CRACDL: variants seen among roughly 807,000 people sequenced by gnomAD.
The protein encoded by CRACDL is CRACD like, also known as CRACD-like protein.
A neutral mutation model predicts 70.6 loss-of-function variants in CRACDL; 26 were observed. The observed-to-expected ratio is 0.37, with a 90% confidence interval of 0.27 to 0.51. CRACDL has a LOEUF of 0.51. CRACDL is among the 20% of genes least tolerant of loss of function. The pLI, the probability that CRACDL is intolerant of heterozygous loss-of-function variation, is 0.94. For missense variants in CRACDL, 1,283 were observed against 1,376.9 expected (o/e 0.93, Z 1.08); for synonymous variants, 618 against 615.2 (o/e 1.00, Z -0.07).
Position 98,795,049 on chromosome 2 carries a change from ATATATAT to A in CRACDL, c.2750-385_2750-379del, listed in dbSNP as rs1703743284. On this transcript the variant is annotated intron_variant, in intron 9 of 9. Transcript: ENST00000397899. ...CCTTACCATAATTAAAAATATATAT[ATATATAT>A]ATATATATATATATATATATATTTT... 2.8e-4 allele frequency among the ~76,000 whole-genome samples: 5 copies of A among 18,068 alleles called. 2 individuals are homozygous for A. The highest frequency in any genetic ancestry group is 1.6e-4 in the Non-Finnish European group (1 of 6,070). 11.9% of individuals were successfully genotyped at this position (18,068 alleles called of 152,430 possible).
intron 1 of CRACDL, among the ~76,000 whole-genome samples, chr2:98,899,648 G>A (rs1708214709): frequency 6.6e-6 from 1 of 152,262 alleles, no homozygotes; most frequent in Admixed American, 6.5e-5. Context: ...AAAAAAAAAG[G>A]CATCTATGGA....
At chr2:98,849,719 C>T (rs1327212381) in intron 1 of CRACDL, among the ~76,000 whole-genome samples, 4 of 151,796 alleles carry the variant, frequency 2.6e-5, no homozygotes, top group Non-Finnish European at 5.9e-5. Context: ...AAAGGTTGCC[C>T]ACCGACAAAG....
At position 98,822,270 on chromosome 2, in the gene CRACDL, G is replaced by A. The variant is rs571671010; in HGVS notation, c.2003C>T (p.Pro668Leu). 2 of 1,587,948 alleles carry A rather than the reference G, an allele frequency of 1.3e-6. No individual in the cohort carries two copies. Among genetic ancestry groups the A allele is most frequent in the South Asian group, 2.2e-5 (2 of 89,416 alleles). The stretch of plus-strand genomic sequence containing the variant: ...ACTCGGGGCCGGCTCCTGGGCGGCT[G>A]GGCAGGGCTCTCTCGTGCCGGGCGC... ...AAAPGTREPC[P>L]AAQEPAPSED... The change falls in exon 7 of 10, where the codon CCA becomes CTA. Residue 668 changes from proline (P) to leucine (L), a missense_variant. Physicochemically the swap from Pro to Leu is moderately conservative, Grantham distance 98. Around this residue, in one of 2 missense-constraint regions of CRACDL, gnomAD observed 921 missense variants for 881.9 expected, o/e 1.04. Transcript: ENST00000397899. The surrounding 1 kb of genome is among the most constrained non-coding windows in gnomAD (Gnocchi z 4.9).
Position 98,797,542 on chromosome 2 carries a change from T to C in CRACDL, c.2417-5A>G, listed in dbSNP as rs1444084631. ...CTGCAGGCGGCAGACTCTTTTCTGT[T>C]GGGTAAAGGCACAAGATTATAGAAA... On this transcript the variant is annotated splice_region_variant and splice_polypyrimidine_tract_variant and intron_variant, in intron 7 of 9. Coordinates refer to ENST00000397899, the MANE Select transcript of CRACDL (RefSeq NM_207362.3). The C allele has an allele frequency of 3.7e-6, 6 of 1,613,246 alleles. No individual in the cohort carries two copies. The highest frequency in any genetic ancestry group is 4.2e-6 in the Non-Finnish European group (5 of 1,179,966).
At position 98,822,728 on chromosome 2, in the gene CRACDL, A is replaced by C. The variant is rs891044141; in HGVS notation, c.1545T>G (p.Leu515=). 1 of 1,259,080 alleles carries C rather than the reference A, an allele frequency of 7.9e-7. No individual in the cohort carries two copies. Among genetic ancestry groups the C allele is most frequent in the Non-Finnish European group, 9.9e-7 (1 of 1,005,936 alleles). The allele number at this position is 1,259,080 out of a possible 1,614,324, so 78.0% of individuals were successfully genotyped here. ...ASEGPAASPP[L]AAAESPPVEP... is the part of the protein sequence containing the mutation. ...CCACCGGGGGAGACTCCGCAGCGGCAAGCGGCGGGGACGCGGCGGGGCCCT... is the reference window on the plus strand; with the variant it reads ...CCACCGGGGGAGACTCCGCAGCGGCCAGCGGCGGGGACGCGGCGGGGCCCT... The change falls in exon 7 of 10, where the codon CTT becomes CTG. Residue 515 remains leucine, a synonymous_variant. Coordinates refer to ENST00000397899, the MANE Select transcript of CRACDL (RefSeq NM_207362.3). This position sits in a 1 kb window ranked among gnomAD's most constrained non-coding sequence, Gnocchi z 4.9.
chr2:98,839,769 AT>A (rs1460339264), intron 2 of CRACDL, among the ~76,000 whole-genome samples: 1 of 152,148 alleles, frequency 6.6e-6, no homozygotes, highest in Admixed American at 6.5e-5. Context: ...CTGAAAATGT[AT>A]TTTTTCCAAA....
chr2:98,820,177 A>G (rs1462118662), intron 7 of CRACDL, among the ~76,000 whole-genome samples: 1 of 152,012 alleles, frequency 6.6e-6, no homozygotes, highest in Non-Finnish European at 1.5e-5. Context: ...CCCCCATCAC[A>G]TGCACACACA....
At chr2:98,862,912 T>C (rs1340110239) in intron 1 of CRACDL, among the ~76,000 whole-genome samples, 1 of 152,132 alleles carries the variant, frequency 6.6e-6, no homozygotes, top group Non-Finnish European at 1.5e-5. Context: ...TGATGAAATA[T>C]ACATTATATA....
chr2:98,881,366 A>G (rs1707646626), intron 1 of CRACDL, among the ~76,000 whole-genome samples: 2 of 152,204 alleles, frequency 1.3e-5, no homozygotes, highest in East Asian at 3.9e-4. Flanking sequence ...CACTTCACCA[A>G]GGTCCCCAGG....
chr2:98,924,229 C>G (rs1708863742), intron 1 of CRACDL, among the ~76,000 whole-genome samples: 1 of 152,172 alleles, frequency 6.6e-6, no homozygotes, highest in African/African-American at 2.4e-5. Context: ...AAGTGCAAGT[C>G]AGGATCCTCC....
intron 1 of CRACDL, among the ~76,000 whole-genome samples, chr2:98,929,502 C>A (rs1709018029): frequency 6.6e-6 from 1 of 152,122 alleles, no homozygotes; most frequent in Non-Finnish European, 1.5e-5. Context: ...ATGTCTCTGT[C>A]CTGAGGAGCC....
chr2:98,933,949 A>G (rs1393020811), intron 1 of CRACDL, among the ~76,000 whole-genome samples: 2 of 152,152 alleles, frequency 1.3e-5, no homozygotes, highest in Admixed American at 6.6e-5. Context: ...CATTCCTCAT[A>G]GAAGGCGCCT....
intron 3 of CRACDL, 36 bp downstream of exon 3, chr2:98,838,083 G>A: frequency 1.3e-6 from 2 of 1,549,134 alleles, no homozygotes; most frequent in Non-Finnish European, 1.7e-6. Flanking sequence ...ATGTATTTAG[G>A]TGCTCCTGGC....
At chr2:98,805,952 C>A (rs539506665) in intron 7 of CRACDL, among the ~76,000 whole-genome samples, 56 of 152,394 alleles carry the variant, frequency 3.7e-4, no homozygotes, top group African/African-American at 1.3e-3. Context: ...GCTGCTTTAA[C>A]AGCCCTGGTA....
At chr2:98,910,425 G>A (rs887046998) in intron 1 of CRACDL, among the ~76,000 whole-genome samples, 1 of 152,014 alleles carries the variant, frequency 6.6e-6, no homozygotes, top group Non-Finnish European at 1.5e-5. Flanking sequence ...GGAGGCTGAA[G>A]CAGGAGAATC....
At chr2:98,881,812 G>A (rs754896770) in intron 1 of CRACDL, among the ~76,000 whole-genome samples, 1 of 152,172 alleles carries the variant, frequency 6.6e-6, no homozygotes, top group Non-Finnish European at 1.5e-5. Context: ...GGCGGGGAGA[G>A]GAGGGAGTCT....
chr2:98,799,681 C>T (rs1346268181), intron 7 of CRACDL, among the ~76,000 whole-genome samples: 1 of 152,232 alleles, frequency 6.6e-6, no homozygotes, highest in African/African-American at 2.4e-5. Context: ...CTACCCTTAG[C>T]TCAAATGGCC....
At chr2:98,929,480 G>T (rs915240409) in intron 1 of CRACDL, among the ~76,000 whole-genome samples, 5 of 152,104 alleles carry the variant, frequency 3.3e-5, no homozygotes, top group African/African-American at 7.2e-5. Flanking sequence ...CGGGGGAGCC[G>T]CCTCTCTGGT....
At chr2:98,898,651 G>A (rs1708190461) in intron 1 of CRACDL, among the ~76,000 whole-genome samples, 1 of 152,194 alleles carries the variant, frequency 6.6e-6, no homozygotes, top group Non-Finnish European at 1.5e-5. Context: ...CTAGAGCTCA[G>A]CAGGGCCCAC....
Sources: allele counts gnomAD v4.1 joint callset (sites outside exome capture counted in the v4.1 genomes callset), GRCh38; gene constraint gnomAD v4.1.1; regional missense constraint gnomAD v4.1.1; non-coding constraint Gnocchi (gnomAD v3.1); transcripts MANE v1.5; gene names NCBI Gene and HGNC (gene_info 2026-07-23, HGNC 2026-07-21).